The following ZNF816 variants were observed in gnomAD, a reference collection of about 807,000 sequenced individuals.
ZNF816 encodes zinc finger protein 816.
ZNF816 carries 11 observed loss-of-function variants against 8.3 expected under a neutral mutation model. That is an observed-to-expected ratio of 1.32 (90% CI 0.83 to 2.19). ZNF816 has a LOEUF of 2.19. ZNF816 is among the 30% of genes most tolerant of loss of function. The pLI, the probability that ZNF816 is intolerant of heterozygous loss-of-function variation, is 0.00. For synonymous variants in ZNF816, 255 were observed against 254.5 expected, an observed-to-expected ratio of 1.00 and a Z score of -0.02; for missense variants, 710 against 779.3, an observed-to-expected ratio of 0.91 and a Z score of 1.06.
In ZNF816 at chr19:52,949,750, C is replaced by A. The variant is rs1470168343; in HGVS notation, c.*69G>T. On this transcript the variant is annotated 3_prime_UTR_variant, in exon 4 of 4. Coordinates refer to ENST00000444460, the MANE Select transcript of ZNF816 (RefSeq NM_001202457.3). ...TGCCACATTTATTACACTTGTAGATCTCTCTTCAATATGGATTCTGTAATG... is the reference window on the plus strand; with the variant it reads ...TGCCACATTTATTACACTTGTAGATATCTCTTCAATATGGATTCTGTAATG... The A allele has an allele frequency of 1.2e-6, 2 of 1,608,000 alleles. No homozygotes were observed. Among genetic ancestry groups the A allele is most frequent in the Non-Finnish European group, 8.5e-7 (1 of 1,176,032 alleles).
rs371996373 is a variant in ZNF816 at position 52,949,909 on chromosome 19, C to G, written c.1866G>C (p.Lys622Asn). The change falls in exon 4 of 4, where the codon AAG (lysine) becomes AAC (asparagine). Residue 622 changes from lysine to asparagine, a missense_variant. Transcript: ENST00000444460. ...QRVHTAEKPY[K>N]CNECGKAFTG... ...TAAAGGCTTTGCCACACTCATTACA[C>G]TTGTAAGGTTTCTCTGCAGTATGAA... 1.8e-5 allele frequency: 29 copies of G among 1,613,684 alleles called. No individual in the cohort carries two copies. Among genetic ancestry groups the G allele is most frequent in the African/African-American group, 1.2e-4 (9 of 74,898 alleles).
At position 52,950,352 on chromosome 19, in the gene ZNF816, G is replaced by T. The variant is rs764215303; in HGVS notation, c.1423C>A (p.His475Asn). 6.2e-7 allele frequency: 1 copy of T among 1,613,832 alleles called. No homozygotes were observed. The highest frequency in any genetic ancestry group is 1.1e-5 in the South Asian group (1 of 91,062). ...CATGTGTAAGGTTTCTCTCCAGTGTGAAGTGTATGATGGTATTGAAGGGAT... is the reference window on the plus strand; with the variant it reads ...CATGTGTAAGGTTTCTCTCCAGTGTTAAGTGTATGATGGTATTGAAGGGAT... The part of the protein sequence containing the change: ...KSSLQYHHTL[H>N]TGEKPYTCNE... Residue 475 changes from histidine (H) to asparagine (N), a missense_variant, in exon 4 of 4, where the codon CAC becomes AAC. By Grantham distance (68) the His-to-Asn change is moderately conservative. Transcript: ENST00000444460.
intron 2 of ZNF816, among the ~76,000 whole-genome samples, chr19:52,954,047 A>G (rs1411230542): frequency 6.6e-6 from 1 of 151,338 alleles, no homozygotes; most frequent in Admixed American, 6.6e-5. Flanking sequence ...TCTCAAAAAA[A>G]AAAAAAAAAA....
chr19:52,954,585 G>A (rs2083493218), intron 2 of ZNF816, among the ~76,000 whole-genome samples: 1 of 152,130 alleles, frequency 6.6e-6, no homozygotes, highest in East Asian at 1.9e-4. Flanking sequence ...AGCACTTAGG[G>A]AGGCCGACGT....
Position 52,950,819 on chromosome 19 carries a change from C to A in ZNF816, c.956G>T (p.Gly319Val). 6.2e-7 allele frequency: 1 copy of A among 1,613,812 alleles called. No individual in the cohort carries two copies. Among genetic ancestry groups the A allele is most frequent in the Non-Finnish European group, 8.5e-7 (1 of 1,179,978 alleles). ...GEKPYKCNEC[G>V]KTFSEKSSLR... is the part of the protein sequence containing the mutation. ...GGATGACTTCTCACTGAAGGTCTTG[C>A]CACACTCATTACACTTGTAAGGTTT... The change falls in exon 4 of 4, where the codon GGC becomes GTC. Residue 319 changes from glycine to valine, a missense_variant. Physicochemically the swap from Gly to Val is moderately radical, Grantham distance 109. Coordinates refer to ENST00000444460, the MANE Select transcript of ZNF816 (RefSeq NM_001202457.3).
At position 52,957,923 on chromosome 19, in the gene ZNF816, C is replaced by A. The variant is rs1410217072; in HGVS notation, c.-15-1819G>T. Among the ~76,000 whole-genome samples, 1 of 152,192 alleles carries A rather than the reference C, an allele frequency of 6.6e-6. No homozygotes were observed. The highest frequency in any genetic ancestry group is 2.4e-5 in the African/African-American group (1 of 41,448). ...CCCCCAGGAAGAGGAATGGAGACTT[C>A]TTTTAACTGAGCCAGGCCAAGAGAT... On this transcript the variant is annotated intron_variant, in intron 1 of 3. Coordinates refer to ENST00000444460, the MANE Select transcript of ZNF816 (RefSeq NM_001202457.3). The surrounding 1 kb of genome is among the most constrained non-coding windows in gnomAD (Gnocchi z 4.6).
In ZNF816 at chr19:52,949,610, T is replaced by C. The variant is rs2083435797; in HGVS notation, c.*209A>G. ...TTTCTCTCCTGTATGAATTCTATGT[T>C]TTGCATAGGATGAAGCTTGACTGAA... On this transcript the variant is annotated 3_prime_UTR_variant, in exon 4 of 4. Coordinates refer to ENST00000444460, the MANE Select transcript of ZNF816 (RefSeq NM_001202457.3). The C allele has an allele frequency of 1.2e-6, 1 of 852,528 alleles. No homozygotes were observed. The highest frequency in any genetic ancestry group is 1.7e-5 in the African/African-American group (1 of 60,350). The allele number at this position is 852,528 out of a possible 1,614,324, so 52.8% of individuals were successfully genotyped here.
rs760299468 is a variant in ZNF816, at chr19:52,950,751, T to G, written c.1024A>C (p.Lys342Gln). ...RRLHTGEKPY[K>Q]CNECGKTFGR... ...AAAGTCTTGCCACACTCATTACACT[T>G]GTAAGGTTTCTCTCCAGTATGAAGT... Residue 342 changes from lysine (K) to glutamine (Q), a missense_variant, in exon 4 of 4, where the codon AAG becomes CAG. Transcript: ENST00000444460. 1 of 1,613,682 alleles carries G rather than the reference T, an allele frequency of 6.2e-7. No homozygotes were observed. The highest frequency in any genetic ancestry group is 2.2e-5 in the East Asian group (1 of 44,850).
In ZNF816 at chr19:52,950,694, C is replaced by T; in HGVS notation, c.1081G>A (p.Ala361Thr). 6.2e-7 allele frequency: 1 copy of T among 1,604,826 alleles called. No individual in the cohort carries two copies. ...TAAGGTTTCTCTCCAGTATGAATTG[C>T]CTTATGAATTACAAGGGCTGAATTT... ...GRNSALVIHK[A>T]IHTGEKPYKC... Residue 361 changes from alanine (A) to threonine (T), a missense_variant, in exon 4 of 4, where the codon GCA becomes ACA. Coordinates refer to ENST00000444460, the MANE Select transcript of ZNF816 (RefSeq NM_001202457.3).
In ZNF816 at chr19:52,957,131, G is replaced by A. The variant is rs1424026836; in HGVS notation, c.-15-1027C>T. 3.3e-5 allele frequency among the ~76,000 whole-genome samples: 5 copies of A among 152,164 alleles called. No individual in the cohort carries two copies. The highest frequency in any genetic ancestry group is 4.1e-4 in the South Asian group (2 of 4,836). ...TCTTGAGACACGAGTCCTCTGATGC[G>A]CTGGGCCGAATAAAGCCACTTCCTT... On this transcript the variant is annotated intron_variant, in intron 1 of 3. Coordinates refer to ENST00000444460, the MANE Select transcript of ZNF816 (RefSeq NM_001202457.3). This position sits in a 1 kb window ranked among gnomAD's most constrained non-coding sequence, Gnocchi z 4.6.
rs146876269 is a variant in ZNF816 at position 52,950,982 on chromosome 19, T to C, written c.793A>G (p.Ile265Val). 1.2e-6 allele frequency: 2 copies of C among 1,614,184 alleles called. No individual in the cohort carries two copies. The highest frequency in any genetic ancestry group is 1.3e-5 in the African/African-American group (1 of 75,062). The part of the protein sequence containing the change: ...REYKCDVCGK[I>V]FNQKQYIVYH... ...ACAATGTATTGCTTCTGATTAAAGA[T>C]CTTGCCACATACATCACATTTATAT... The change falls in exon 4 of 4, where the codon ATC becomes GTC. Residue 265 changes from isoleucine to valine, a missense_variant. By Grantham distance (29) the Ile-to-Val change is conservative. Coordinates refer to ENST00000444460, the MANE Select transcript of ZNF816 (RefSeq NM_001202457.3).
At position 52,952,814 on chromosome 19, in the gene ZNF816, G is replaced by A. The variant is rs1229041462; in HGVS notation, c.127C>T (p.Pro43Ser). ...GCCCTGTATAAAGCCCTCTGTGCAG[G>A]GTTCAGGCATTTCCACTCCTCCAAA... The part of the protein sequence containing the change: ...FSLEEWKCLN[P>S]AQRALYRAVM... Residue 43 changes from proline to serine, a missense_variant, in exon 3 of 4, where the codon CCT (proline) becomes TCT (serine). Physicochemically the swap from Pro to Ser is moderately conservative, Grantham distance 74. Coordinates refer to ENST00000444460, the MANE Select transcript of ZNF816 (RefSeq NM_001202457.3). 1.7e-5 allele frequency: 27 copies of A among 1,613,632 alleles called. No homozygotes were observed. The highest frequency in any genetic ancestry group is 2.3e-5 in the Non-Finnish European group (27 of 1,179,896).
rs769672376 is a variant in ZNF816 at position 52,951,092 on chromosome 19, G to A, written c.683C>T (p.Pro228Leu). 1.3e-5 allele frequency: 21 copies of A among 1,613,838 alleles called. No homozygotes were observed. In the African/African-American group the frequency reaches 1.7e-4, roughly 13 times the overall value. Residue 228 changes from proline (P) to leucine (L), a missense_variant, in exon 4 of 4, where the codon CCT becomes CTT. Pro to Leu is a moderately conservative substitution (Grantham distance 98, BLOSUM62 -3). Coordinates refer to ENST00000444460, the MANE Select transcript of ZNF816 (RefSeq NM_001202457.3). The part of the protein sequence containing the change: ...QIQEICMREK[P>L]CQSNECGKAF... Reference sequence around the variant, plus strand: ...TTTGCCACACTCATTACTTTGGCAAGGTTTTTCTCTCATGCATATTTCCTG... The same window carrying A: ...TTTGCCACACTCATTACTTTGGCAAAGTTTTTCTCTCATGCATATTTCCTG...
chr19:52,951,012 T>C lies in ZNF816; in HGVS notation c.763A>G (p.Arg255Gly), dbSNP rs1568436404. ...CCACATACATCACATTTATATTCTC[T>C]CTCTCTTGAATGGGTTATGTGGTGT... ...RRHHITHSRE[R>G]EYKCDVCGKI... is the part of the protein sequence containing the mutation. Residue 255 changes from arginine to glycine, a missense_variant, in exon 4 of 4, where the codon AGA (arginine) becomes GGA (glycine). Arg to Gly is a moderately radical substitution (Grantham distance 125, BLOSUM62 -2). Coordinates refer to ENST00000444460, the MANE Select transcript of ZNF816 (RefSeq NM_001202457.3). 1 of 1,614,178 alleles carries C rather than the reference T, an allele frequency of 6.2e-7. No individual in the cohort carries two copies. Among genetic ancestry groups the C allele is most frequent in the Non-Finnish European group, 8.5e-7 (1 of 1,180,036 alleles).
intron 1 of ZNF816, chr19:52,956,347 T>A (rs1261406603): frequency 7.3e-6 from 3 of 410,062 alleles, no homozygotes; most frequent in South Asian, 3.2e-5. Flanking sequence ...AGGACACAGA[T>A]CTTCAGGGCA....
chr19:52,950,819 C>T lies in ZNF816; in HGVS notation c.956G>A (p.Gly319Asp), dbSNP rs1352219175. 1.9e-6 allele frequency: 3 copies of T among 1,613,694 alleles called. No individual in the cohort carries two copies. The African/African-American group carries it at 4.0e-5, about 22-fold the overall frequency. ...GEKPYKCNEC[G>D]KTFSEKSSLR... Reference sequence around the variant, plus strand: ...GGATGACTTCTCACTGAAGGTCTTGCCACACTCATTACACTTGTAAGGTTT... The same window carrying T: ...GGATGACTTCTCACTGAAGGTCTTGTCACACTCATTACACTTGTAAGGTTT... The change falls in exon 4 of 4, where the codon GGC becomes GAC. Residue 319 changes from glycine (G) to aspartate (D), a missense_variant. Physicochemically the swap from Gly to Asp is moderately conservative, Grantham distance 94. Transcript: ENST00000444460.
intron 3 of ZNF816, 87 bp from the exon 4 acceptor site, chr19:52,951,671 A>C: frequency 8.0e-7 from 1 of 1,245,084 alleles, no homozygotes; most frequent in Non-Finnish European, 1.1e-6. Flanking sequence ...ATTACACAAA[A>C]AGCAATACTT....
Position 52,950,681 on chromosome 19 carries a change from C to A in ZNF816, c.1094G>T (p.Gly365Val). 6.2e-7 allele frequency: 1 copy of A among 1,614,180 alleles called. No homozygotes were observed. Among genetic ancestry groups the A allele is most frequent in the South Asian group, 1.1e-5 (1 of 91,064 alleles). Residue 365 changes from glycine to valine, a missense_variant, in exon 4 of 4, where the codon GGA becomes GTA. Transcript: ENST00000444460. ...ALVIHKAIHT[G>V]EKPYKCNECG... is the part of the protein sequence containing the mutation. Reference sequence around the variant, plus strand: ...CTCATTACACTTGTAAGGTTTCTCTCCAGTATGAATTGCCTTATGAATTAC... The same window carrying A: ...CTCATTACACTTGTAAGGTTTCTCTACAGTATGAATTGCCTTATGAATTAC...
Position 52,950,087 on chromosome 19 carries a change from T to C in ZNF816, c.1688A>G (p.Lys563Arg). Residue 563 changes from lysine (K) to arginine (R), a missense_variant, in exon 4 of 4, where the codon AAA becomes AGA. Physicochemically the swap from Lys to Arg is conservative, Grantham distance 26. Coordinates refer to ENST00000444460, the MANE Select transcript of ZNF816 (RefSeq NM_001202457.3). The part of the protein sequence containing the change: ...ANHTRVHTGE[K>R]PYKCNKCAKV... ...CGCACATTTATTACACTTGTAAGGT[T>C]TCTCTCCAGTATGAACTCTCGTATG... 1 of 1,614,130 alleles carries C rather than the reference T, an allele frequency of 6.2e-7. No individual in the cohort carries two copies. Among genetic ancestry groups the C allele is most frequent in the Non-Finnish European group, 8.5e-7 (1 of 1,179,982 alleles).
Sources: gnomAD v4.1 joint callset for allele counts (sites outside exome capture counted in the v4.1 genomes callset) on GRCh38, gnomAD v4.1.1 for gene constraint, Gnocchi (gnomAD v3.1) non-coding constraint, MANE v1.5 for transcripts, NCBI Gene and HGNC (gene_info 2026-07-23, HGNC 2026-07-21) for gene names.